KCNMA1: variants seen among roughly 807,000 people sequenced by gnomAD.
The protein encoded by KCNMA1 is Calcium-activated potassium channel subunit alpha-1.
KCNMA1 carries 29 observed loss-of-function variants against 140.0 expected under a neutral mutation model. The observed-to-expected ratio is 0.21, with a 90% CI of 0.15 to 0.28. The LOEUF is 0.28. Among genes scored for constraint, KCNMA1 ranks in the 10% least tolerant of loss-of-function variants. The pLI is 1.00. For missense variants in KCNMA1, 880 were observed against 1,602.2 expected (o/e 0.55, Z 7.70); for synonymous variants, 612 against 611.9 (o/e 1.00, Z 0.00).
intron 1 of KCNMA1, among the ~76,000 whole-genome samples, chr10:77,407,050 T>C (rs1345633019): frequency 6.6e-6 from 1 of 152,214 alleles, no homozygotes; most frequent in Non-Finnish European, 1.5e-5. Flanking sequence ...CTCTTACCTA[T>C]TGTTTTACAA....
Position 76,885,696 on chromosome 10 carries a change from G to T in KCNMA1, c.*1570C>A, listed in dbSNP as rs1673589115. Reference sequence around the variant, plus strand: ...ATACCAGCCTAGTCCATCCATAAGGGAAATTGGTTATGGTGAATTGGCCAG... The same window carrying T: ...ATACCAGCCTAGTCCATCCATAAGGTAAATTGGTTATGGTGAATTGGCCAG... On this transcript the variant is annotated 3_prime_UTR_variant, in exon 28 of 28. Coordinates refer to ENST00000286628, the MANE Select transcript of KCNMA1 (RefSeq NM_001161352.2). 1 of 985,286 alleles carries T rather than the reference G, an allele frequency of 1.0e-6. No individual in the cohort carries two copies. Among genetic ancestry groups the T allele is most frequent in the Non-Finnish European group, 1.2e-6 (1 of 829,878 alleles). 61.0% of individuals were successfully genotyped at this position (985,286 alleles called of 1,614,324 possible).
At chr10:76,974,332 C>A in intron 19 of KCNMA1, 23 of 508,352 alleles carry the variant, frequency 4.5e-5, no homozygotes, top group Non-Finnish European at 4.5e-5. Context: ...TTACGGTTTT[C>A]CCTTTTGGTA....
At chr10:77,587,829 A>T (rs2077711793) in intron 1 of KCNMA1, 2 of 985,272 alleles carry the variant, frequency 2.0e-6, no homozygotes, top group Admixed American at 1.2e-4. Flanking sequence ...TATCTCACCG[A>T]CAGATCATCT....
At chr10:77,277,733 GT>G (rs1206169670) in intron 2 of KCNMA1, among the ~76,000 whole-genome samples, 1 of 152,208 alleles carries the variant, frequency 6.6e-6, no homozygotes, top group African/African-American at 2.4e-5. Context: ...TGGATGCAAA[GT>G]GTCATGGTCT....
At position 77,115,711 on chromosome 10, in the gene KCNMA1, AGT is replaced by A. The variant is rs1310719620; in HGVS notation, c.885-3271_885-3270del. Among the ~76,000 whole-genome samples, 33 of 152,346 alleles carry A rather than the reference AGT, an allele frequency of 2.2e-4. 1 individual carries two copies. Among genetic ancestry groups the A allele is most frequent in the South Asian group, 1.5e-3 (7 of 4,824 alleles). On this transcript the variant is annotated intron_variant, in intron 6 of 27. Transcript: ENST00000286628. ...TCTAAATGATGGTTACAGTGATATT[AGT>A]AGTGCGTTAGGGAGCTCTTGCCATA... is the stretch of plus-strand genomic sequence containing the variant.
chr10:77,429,760 C>T (rs1178123610), intron 1 of KCNMA1, among the ~76,000 whole-genome samples: 1 of 152,008 alleles, frequency 6.6e-6, no homozygotes, highest in African/African-American at 2.4e-5. Flanking sequence ...AGTTCCTGTT[C>T]CAAAGAATAT....
chr10:77,202,646 G>A (rs116815494), intron 3 of KCNMA1, among the ~76,000 whole-genome samples: 10,820 of 152,234 alleles, frequency 0.071, 448 homozygotes, highest in African/African-American at 0.11. Context: ...AGAAACAACT[G>A]AAAAGGCTTC....
intron 23 of KCNMA1, among the ~76,000 whole-genome samples, chr10:76,942,756 T>A (rs1017474384): frequency 5.3e-5 from 8 of 152,174 alleles, no homozygotes; most frequent in Non-Finnish European, 1.2e-4. Flanking sequence ...AACAGGCATG[T>A]TGGGGAAAGG....
chr10:77,576,375 A>G (rs1603637366), intron 1 of KCNMA1, among the ~76,000 whole-genome samples: 1 of 151,976 alleles, frequency 6.6e-6, no homozygotes. Flanking sequence ...CCCCACCTCT[A>G]CCTCTTAGCC....
intron 14 of KCNMA1, among the ~76,000 whole-genome samples, chr10:77,041,690 G>C (rs544854134): frequency 6.6e-6 from 1 of 152,350 alleles, no homozygotes; most frequent in South Asian, 2.1e-4. Flanking sequence ...AGGCCTCCCT[G>C]AGGGAAGGAG....
intron 2 of KCNMA1, among the ~76,000 whole-genome samples, chr10:77,346,197 T>C (rs953681825): frequency 1.3e-5 from 2 of 152,214 alleles, no homozygotes; most frequent in Non-Finnish European, 1.5e-5. Flanking sequence ...CCCCAAGTGA[T>C]GCTTTGCTGA....
chr10:76,881,089 G>A (rs141401553), downstream of KCNMA1, among the ~76,000 whole-genome samples: 77 of 152,234 alleles, frequency 5.1e-4, no homozygotes, highest in African/African-American at 1.8e-3. Flanking sequence ...GAAAACAACT[G>A]CAGAGAGATG....
intron 17 of KCNMA1, among the ~76,000 whole-genome samples, chr10:77,015,023 T>C (rs2091724432): frequency 6.6e-6 from 1 of 152,186 alleles, no homozygotes; most frequent in South Asian, 2.1e-4. Context: ...ATTCTCCTGT[T>C]GCTTGCTTTC....
chr10:77,270,099 T>C (rs1170460816), intron 2 of KCNMA1, among the ~76,000 whole-genome samples: 1 of 152,162 alleles, frequency 6.6e-6, no homozygotes, highest in African/African-American at 2.4e-5. Context: ...GGTGCAGGAT[T>C]TGGCCCTCAA....
At chr10:77,191,846 T>C (rs148370957) in intron 3 of KCNMA1, among the ~76,000 whole-genome samples, 4 of 152,304 alleles carry the variant, frequency 2.6e-5, no homozygotes, top group African/African-American at 4.8e-5. Context: ...TTAACTGGCT[T>C]TACTGGGAAG....
intron 1 of KCNMA1, among the ~76,000 whole-genome samples, chr10:77,410,896 T>C (rs910806383): frequency 1.3e-5 from 2 of 152,264 alleles, no homozygotes; most frequent in Non-Finnish European, 2.9e-5. Flanking sequence ...CCTCTCCCTG[T>C]CTGTGCTGTC....
At chr10:77,241,414 T>C (rs1599716177) in intron 3 of KCNMA1, among the ~76,000 whole-genome samples, 1 of 151,982 alleles carries the variant, frequency 6.6e-6, no homozygotes, top group Non-Finnish European at 1.5e-5. Context: ...GAAGCTGAGG[T>C]GGGAGGACTG....
At chr10:77,245,806 G>A (rs922024521) in intron 3 of KCNMA1, among the ~76,000 whole-genome samples, 34 of 152,092 alleles carry the variant, frequency 2.2e-4, no homozygotes, top group African/African-American at 6.5e-4. Flanking sequence ...CCTAGGTGGT[G>A]GAAGCTAATG....
At position 76,885,181 on chromosome 10, in the gene KCNMA1, A is replaced by G. The variant is rs993559687; in HGVS notation, c.*2085T>C. ...TGCATGAAGAGCTCTTCATGATCCA[A>G]TACTAGGGGATACATATATATAGTT... On this transcript the variant is annotated 3_prime_UTR_variant, in exon 28 of 28. Coordinates refer to ENST00000286628, the MANE Select transcript of KCNMA1 (RefSeq NM_001161352.2). The G allele has an allele frequency of 1.8e-6, 2 of 1,081,916 alleles. No homozygotes were observed. Among genetic ancestry groups the G allele is most frequent in the Admixed American group, 4.4e-5 (1 of 22,620 alleles). The allele number at this position is 1,081,916 out of a possible 1,614,324, so 67.0% of individuals were successfully genotyped here. A position where few individuals can be genotyped will look rare whatever the true frequency, so the allele number is the denominator to read the frequency against.
Sources: gnomAD v4.1 joint callset for allele counts (sites outside exome capture counted in the v4.1 genomes callset) on GRCh38, gnomAD v4.1.1 for gene constraint, MANE v1.5 for transcripts, NCBI Gene and HGNC (gene_info 2026-07-23, HGNC 2026-07-21) for gene names.